The following NPLOC4 variants were observed in gnomAD, a reference collection of about 807,000 sequenced individuals.
The protein encoded by NPLOC4 is nuclear protein localization protein 4 homolog.
Under a neutral mutation model 80.6 loss-of-function variants are expected in NPLOC4, and 18 were observed. The observed-to-expected ratio is 0.22, with a 90% CI of 0.15 to 0.33. NPLOC4 has a LOEUF of 0.33. NPLOC4 is among the 10% of genes least tolerant of loss of function. The probability of loss-of-function intolerance (pLI) is 1.00; values close to 1 mark genes in which losing one functional copy is unlikely to be tolerated. For missense variants in NPLOC4, 540 were observed against 786.1 expected, an observed-to-expected ratio of 0.69 and a Z score of 3.74; for synonymous variants, 313 against 301.5, an observed-to-expected ratio of 1.04 and a Z score of -0.39.
At chr17:81,593,095 C>A (rs577064856) in intron 11 of NPLOC4, among the ~76,000 whole-genome samples, 3 of 152,338 alleles carry the variant, frequency 2.0e-5, no homozygotes, top group Non-Finnish European at 4.4e-5. Context: ...ACTCTGAATG[C>A]CCGCTACACA....
At position 81,572,451 on chromosome 17, in the gene NPLOC4, A is replaced by G. The variant is rs545412951; in HGVS notation, c.1282-363T>C. 2.8e-4 allele frequency among the ~76,000 whole-genome samples: 42 copies of G among 152,242 alleles called. No homozygotes were observed. Among genetic ancestry groups the G allele is most frequent in the African/African-American group, 1.0e-3 (42 of 41,528 alleles). ...CGTGATCCACCCGCCTCAGCCCCCC[A>G]AAGTGCTGGGATTACAGGCGTGAGC... On this transcript the variant is annotated intron_variant, in intron 12 of 16. Transcript: ENST00000331134. The surrounding 1 kb of genome is among the most constrained non-coding windows in gnomAD (Gnocchi z 4.5).
At chr17:81,622,671 C>G (rs985097311) in intron 2 of NPLOC4, among the ~76,000 whole-genome samples, 1 of 152,138 alleles carries the variant, frequency 6.6e-6, no homozygotes, top group Non-Finnish European at 1.5e-5. Context: ...CTGCCTCAGC[C>G]TCCCAAGTAG....
intron 9 of NPLOC4, among the ~76,000 whole-genome samples, chr17:81,598,599 G>A (rs2034983487): frequency 6.6e-6 from 1 of 152,218 alleles, no homozygotes; most frequent in Non-Finnish European, 1.5e-5. Context: ...GAGGGTATGA[G>A]GATCTGAAAC....
intron 12 of NPLOC4, among the ~76,000 whole-genome samples, chr17:81,573,324 A>T (rs1055689048): frequency 1.3e-5 from 2 of 152,142 alleles, no homozygotes; most frequent in African/African-American, 4.8e-5. Context: ...ACAGGAGGCC[A>T]CCCCCATCAC....
intron 12 of NPLOC4, among the ~76,000 whole-genome samples, chr17:81,586,607 C>CAA (rs199678879): frequency 1.1e-3 from 139 of 125,992 alleles, no homozygotes; most frequent in Admixed American, 1.3e-3. Context: ...AAAACTGTCT[C>CAA]AAAAAAAAAA....
At chr17:81,613,297 G>A (rs1302005698) in intron 4 of NPLOC4, 21 bp downstream of exon 4, 23 of 1,601,746 alleles carry the variant, frequency 1.4e-5, no homozygotes, top group Non-Finnish European at 2.0e-5. Flanking sequence ...GTAGGACCCT[G>A]GAATCTCATG....
rs2034130428 is a variant in NPLOC4 at position 81,570,423 on chromosome 17, C to T, written c.1354-1312G>A. Among the ~76,000 whole-genome samples, 4 of 152,206 alleles carry T rather than the reference C, an allele frequency of 2.6e-5. No individual in the cohort carries two copies. The South Asian group carries it at 6.2e-4, about 24-fold the overall frequency. The stretch of plus-strand genomic sequence containing the variant: ...GAGACAAAAGCCTGGCCTGCTCAGG[C>T]GCGTCCCTTGGGAAGGCCTAGAAAT... On this transcript the variant is annotated intron_variant, in intron 13 of 16. Coordinates refer to ENST00000331134, the MANE Select transcript of NPLOC4 (RefSeq NM_017921.4).
At chr17:81,623,622 C>T (rs2144306064) in intron 2 of NPLOC4, among the ~76,000 whole-genome samples, 1 of 151,516 alleles carries the variant, frequency 6.6e-6, no homozygotes, top group East Asian at 2.0e-4. Context: ...CACGGTGAAA[C>T]CCCGTCTCTA....
chr17:81,566,124 G>A (rs2034004921), intron 15 of NPLOC4, among the ~76,000 whole-genome samples: 1 of 152,184 alleles, frequency 6.6e-6, no homozygotes, highest in South Asian at 2.1e-4. Context: ...ACGAGGTCAG[G>A]AGTTTGAGAC....
At chr17:81,622,109 A>G in intron 3 of NPLOC4, 57 bp downstream of exon 3, 1 of 1,280,904 alleles carries the variant, frequency 7.8e-7, no homozygotes, top group East Asian at 2.3e-5. Flanking sequence ...AACCTCGGGC[A>G]GATCATGGGG....
chr17:81,619,553 GAA>G (rs34176297), intron 3 of NPLOC4, among the ~76,000 whole-genome samples: 2 of 107,010 alleles, frequency 1.9e-5, no homozygotes, highest in Non-Finnish European at 4.1e-5. Flanking sequence ...TCTGTCTCAA[GAA>G]AAAAAAAAAA....
chr17:81,622,078 G>T (rs551920097), intron 3 of NPLOC4, 88 bp downstream of exon 3: 1 of 877,020 alleles, frequency 1.1e-6, no homozygotes. Context: ...GGTGTGATGA[G>T]GAAAGAGGAT....
chr17:81,623,811 A>C (rs1453349967), intron 2 of NPLOC4, among the ~76,000 whole-genome samples: 1 of 151,984 alleles, frequency 6.6e-6, no homozygotes, highest in Non-Finnish European at 1.5e-5. Flanking sequence ...AAAAAAAACA[A>C]AACTCAATTC....
chr17:81,605,705 C>T (rs1214896669), intron 7 of NPLOC4, among the ~76,000 whole-genome samples: 1 of 151,452 alleles, frequency 6.6e-6, no homozygotes, highest in Non-Finnish European at 1.5e-5. Flanking sequence ...TGGCGGGACA[C>T]GGGGTTATAG....
At chr17:81,611,899 G>A (rs2035349774) in intron 4 of NPLOC4, among the ~76,000 whole-genome samples, 1 of 150,294 alleles carries the variant, frequency 6.7e-6, no homozygotes, top group Admixed American at 6.6e-5. Context: ...GACGCAGCTG[G>A]CAGTGAGCGG....
At chr17:81,593,259 C>T (rs1019995620) in intron 11 of NPLOC4, among the ~76,000 whole-genome samples, 2 of 151,954 alleles carry the variant, frequency 1.3e-5, no homozygotes, top group Admixed American at 6.6e-5. Flanking sequence ...CACTCTTCTG[C>T]TTGGAACTGG....
At chr17:81,582,414 A>G (rs905243712) in intron 12 of NPLOC4, among the ~76,000 whole-genome samples, 1 of 152,154 alleles carries the variant, frequency 6.6e-6, no homozygotes, top group Non-Finnish European at 1.5e-5. Flanking sequence ...GTATGTCTGC[A>G]TGTTTTTGGA....
intron 2 of NPLOC4, 72 bp from the exon 3 acceptor site, chr17:81,622,350 A>G: frequency 9.5e-7 from 1 of 1,056,492 alleles, no homozygotes; most frequent in Non-Finnish European, 1.5e-6. Context: ...TACACACCAG[A>G]CACTACTAGA....
intron 13 of NPLOC4, among the ~76,000 whole-genome samples, chr17:81,571,144 G>A (rs2034150366): frequency 6.6e-6 from 1 of 152,078 alleles, no homozygotes; most frequent in South Asian, 2.1e-4. Context: ...TGCATCGATG[G>A]GCTTGGCTCG....
Sources: allele counts gnomAD v4.1 joint callset (sites outside exome capture counted in the v4.1 genomes callset), GRCh38; gene constraint gnomAD v4.1.1; non-coding constraint Gnocchi (gnomAD v3.1); transcripts MANE v1.5; gene names NCBI Gene and HGNC (gene_info 2026-07-23, HGNC 2026-07-21).